CUBN: variants seen among roughly 807,000 people sequenced by gnomAD.
CUBN encodes the protein cubilin, also known as 460 kDa receptor.
CUBN carries 282 observed loss-of-function variants against 405.3 expected under a neutral mutation model. That is an observed-to-expected ratio of 0.70 (90% confidence interval 0.63 to 0.77). The LOEUF (loss-of-function observed/expected upper bound fraction) is 0.77, where lower values mean the gene tolerates loss of function less well. CUBN is among the 30% of genes least tolerant of loss of function. CUBN has a pLI of 0.00. For synonymous variants in CUBN, 1,684 were observed against 1,617.0 expected, an observed-to-expected ratio of 1.04 and a Z score of -0.99; for missense variants, 4,514 against 4,475.2, an observed-to-expected ratio of 1.01 and a Z score of -0.25.
chr10:17,031,758 G>A (rs1352346599), intron 27 of CUBN, among the ~76,000 whole-genome samples: 1 of 152,184 alleles, frequency 6.6e-6, no homozygotes, highest in Non-Finnish European at 1.5e-5. Flanking sequence ...TCAATAGGGA[G>A]CTAAAGACTG....
chr10:16,945,201 C>T (rs992508142), intron 36 of CUBN, among the ~76,000 whole-genome samples: 1 of 146,258 alleles, frequency 6.8e-6, no homozygotes, highest in East Asian at 1.9e-4. Context: ...CAGGAAAAGA[C>T]CAAAAAAAAA....
chr10:16,852,142 T>A (rs1270976819), intron 59 of CUBN, among the ~76,000 whole-genome samples: 1 of 120,322 alleles, frequency 8.3e-6, no homozygotes, highest in Non-Finnish European at 1.7e-5. Flanking sequence ...CATCTTTCCC[T>A]CCCTCACTCT....
At chr10:16,834,968 C>T in intron 64 of CUBN, 46 bp downstream of exon 64, 2 of 1,549,350 alleles carry the variant, frequency 1.3e-6, no homozygotes, top group South Asian at 1.1e-5. Flanking sequence ...AAGTGATCCA[C>T]CATCTTTTAA....
chr10:17,011,689 G>C (rs538123965), intron 28 of CUBN, among the ~76,000 whole-genome samples: 2 of 152,242 alleles, frequency 1.3e-5, no homozygotes, highest in South Asian at 4.1e-4. Context: ...ACAGAGCACT[G>C]ATTGGTCCAT....
chr10:16,861,516 G>A (rs1370590286), intron 59 of CUBN, among the ~76,000 whole-genome samples: 5 of 151,970 alleles, frequency 3.3e-5, no homozygotes, highest in South Asian at 2.1e-4. Context: ...AAAAATTCTC[G>A]CATGTGAAAT....
intron 59 of CUBN, among the ~76,000 whole-genome samples, chr10:16,867,156 G>C (rs1267416689): frequency 6.6e-6 from 1 of 152,154 alleles, no homozygotes; most frequent in African/African-American, 2.4e-5. Context: ...TATTTACTAA[G>C]TGAAGATATT....
chr10:17,104,767 T>G (rs976619171), intron 11 of CUBN, among the ~76,000 whole-genome samples, 162 bp from the exon 12 acceptor site: 3 of 146,598 alleles, frequency 2.0e-5, no homozygotes, highest in African/African-American at 7.4e-5. Flanking sequence ...TTAAAAATAA[T>G]TATTATTTAT....
intron 29 of CUBN, among the ~76,000 whole-genome samples, chr10:16,988,557 C>T (rs1169450943): frequency 6.6e-6 from 1 of 152,014 alleles, no homozygotes; most frequent in East Asian, 1.9e-4. Flanking sequence ...AAAAGTAATT[C>T]CTTGTGACTC....
At chr10:16,919,164 C>G (rs1331463517) in intron 44 of CUBN, among the ~76,000 whole-genome samples, 1 of 152,126 alleles carries the variant, frequency 6.6e-6, no homozygotes, top group Non-Finnish European at 1.5e-5. Context: ...TTTCACAGGA[C>G]AAAGATAAAT....
At chr10:16,937,391 G>C (rs924391125) in intron 39 of CUBN, among the ~76,000 whole-genome samples, 29 of 152,166 alleles carry the variant, frequency 1.9e-4, no homozygotes, top group African/African-American at 6.3e-4. Flanking sequence ...AAATATAATG[G>C]GACCTGCATT....
rs1005610522 is a variant in CUBN at position 17,126,696 on chromosome 10, G to A, written c.387+65C>T. On this transcript the variant is annotated intron_variant, in intron 4 of 66. Coordinates refer to ENST00000377833, the MANE Select transcript of CUBN (RefSeq NM_001081.4). The stretch of plus-strand genomic sequence containing the variant: ...ATTCACCTTCAAAATAAGAATAGCA[G>A]CTCTATTAATGATTCTAGTATGTTT... 4 of 1,497,792 alleles carry A rather than the reference G, an allele frequency of 2.7e-6. No individual in the cohort carries two copies. The African/African-American group carries it at 4.1e-5, about 15-fold the overall frequency. The allele number at this position is 1,497,792 out of a possible 1,614,324, so 92.8% of individuals were successfully genotyped here.
At chr10:17,082,790 C>A (rs2131861519) in intron 17 of CUBN, among the ~76,000 whole-genome samples, 1 of 152,260 alleles carries the variant, frequency 6.6e-6, no homozygotes, top group East Asian at 1.9e-4. Context: ...TGAATCCCAG[C>A]TCCATTACTT....
intron 64 of CUBN, 77 bp downstream of exon 64, chr10:16,834,937 A>T: frequency 7.7e-7 from 1 of 1,297,286 alleles, no homozygotes; most frequent in Non-Finnish European, 1.1e-6. Flanking sequence ...TAGCAGCACT[A>T]GATAAAAGGT....
At chr10:16,982,757 T>C in intron 30 of CUBN, 104 bp from the exon 31 acceptor site, 1 of 1,043,388 alleles carries the variant, frequency 9.6e-7, no homozygotes, top group Non-Finnish European at 1.4e-6. Context: ...CTTGAATCAG[T>C]TAGTCGATGC....
In CUBN at chr10:17,081,737, G is replaced by T. The variant is rs548437029; in HGVS notation, c.2301+2534C>A. ...AGAGCTTTAACCAAAGTCAATGTAC[G>T]TCCATCTAGAATCTCATAGAGGTAC... On this transcript the variant is annotated intron_variant, in intron 17 of 66. Coordinates refer to ENST00000377833, the MANE Select transcript of CUBN (RefSeq NM_001081.4). Among the ~76,000 whole-genome samples the T allele has an allele frequency of 4.6e-5, 7 of 152,200 alleles. No individual in the cohort carries two copies. The South Asian group carries it at 1.5e-3, about 32-fold the overall frequency.
chr10:16,945,842 C>T (rs9971057), intron 36 of CUBN, among the ~76,000 whole-genome samples: 3,399 of 150,702 alleles, frequency 0.023, 126 homozygotes, highest in African/African-American at 0.079. Context: ...CATTGCCTTT[C>T]GGCATGCAGA....
intron 40 of CUBN, among the ~76,000 whole-genome samples, chr10:16,932,218 G>T (rs548094211): frequency 6.6e-6 from 1 of 152,210 alleles, no homozygotes; most frequent in African/African-American, 2.4e-5. Flanking sequence ...CTCGGCAGGG[G>T]TCTAGGGATC....
chr10:17,104,661 T>C, intron 11 of CUBN, 56 bp from the exon 12 acceptor site: 6 of 1,184,260 alleles, frequency 5.1e-6, no homozygotes, highest in Non-Finnish European at 7.4e-6. Context: ...CACTAAACTT[T>C]AATCAACCCA....
intron 10 of CUBN, among the ~76,000 whole-genome samples, chr10:17,108,672 A>G (rs1020291456): frequency 6.6e-6 from 1 of 152,160 alleles, no homozygotes; most frequent in African/African-American, 2.4e-5. Context: ...TAAAGAGTTC[A>G]GTAAAGAAAG....
Sources: gnomAD v4.1 joint callset for allele counts (sites outside exome capture counted in the v4.1 genomes callset) on GRCh38, gnomAD v4.1.1 for gene constraint, MANE v1.5 for transcripts, NCBI Gene and HGNC (gene_info 2026-07-23, HGNC 2026-07-21) for gene names.